Variants in COL13A1 observed in about 807,000 individuals in gnomAD.
The protein encoded by COL13A1 is collagen type XIII alpha 1 chain.
A neutral mutation model predicts 130.9 loss-of-function variants in COL13A1; 89 were observed. The observed-to-expected ratio is 0.68, with a 90% CI of 0.57 to 0.81. The LOEUF is 0.81. Ranked by LOEUF, COL13A1 falls within the 30% of genes least tolerant of loss-of-function variation. The pLI, the probability that COL13A1 is intolerant of heterozygous loss-of-function variation, is 0.00. For missense variants in COL13A1, 879 were observed against 934.6 expected, an observed-to-expected ratio of 0.94 and a Z score of 0.78; for synonymous variants, 402 against 341.6, an observed-to-expected ratio of 1.18 and a Z score of -1.95.
Position 69,898,812 on chromosome 10 carries a change from G to A in COL13A1, c.750+50G>A, listed in dbSNP as rs566765688. 48 of 1,481,416 alleles carry A rather than the reference G, an allele frequency of 3.2e-5. No homozygotes were observed. The African/African-American group carries it at 4.5e-4, about 14-fold the overall frequency. The allele number at this position is 1,481,416 out of a possible 1,614,324, so 91.8% of individuals were successfully genotyped here. Reference sequence around the variant, plus strand: ...CCATGTGTGGTTTCCCAAGGGGCCCGGCAAGCCTGCTGGGGCTGCAGACAA... The same window carrying A: ...CCATGTGTGGTTTCCCAAGGGGCCCAGCAAGCCTGCTGGGGCTGCAGACAA... On this transcript the variant is annotated intron_variant, in intron 14 of 40. Coordinates refer to ENST00000645393, the MANE Select transcript of COL13A1 (RefSeq NM_001368882.1).
At chr10:69,949,965 CGTGTGTGT>C (rs146294380) in intron 38 of COL13A1, among the ~76,000 whole-genome samples, 1 of 87,622 alleles carries the variant, frequency 1.1e-5, no homozygotes, top group African/African-American at 4.7e-5. Context: ...TTTGTGTGTG[CGTGTGTGT>C]GTGTGTGTGC....
In COL13A1 at chr10:69,832,517, G is replaced by A. The variant is rs562413305; in HGVS notation, c.364+10079G>A. On this transcript the variant is annotated intron_variant, in intron 2 of 40. Transcript: ENST00000645393. ...GGACCTCGTGGCACAATGGTAGTGCGTCTGACTCCAGATGGAGGATATTAT... is the reference window on the plus strand; with the variant it reads ...GGACCTCGTGGCACAATGGTAGTGCATCTGACTCCAGATGGAGGATATTAT... Among the ~76,000 whole-genome samples the A allele has an allele frequency of 1.2e-4, 19 of 152,348 alleles. No individual in the cohort carries two copies. In the South Asian group the frequency reaches 1.5e-3, roughly 12 times the overall value.
At chr10:69,936,173 GAAGGAAAGGA>G (rs558317500) in intron 32 of COL13A1, among the ~76,000 whole-genome samples, 3 of 19,930 alleles carry the variant, frequency 1.5e-4, no homozygotes, top group Non-Finnish European at 2.0e-4. Context: ...AGGAAGGAAG[GAAGGAAAGGA>G]AAGGAAGGAA....
intron 29 of COL13A1, 144 bp downstream of exon 29, chr10:69,930,231 G>A: frequency 9.5e-7 from 1 of 1,054,238 alleles, no homozygotes. Context: ...AGGGAGAGGG[G>A]CCCACCCTGC....
intron 31 of COL13A1, among the ~76,000 whole-genome samples, chr10:69,933,582 T>C (rs2066448181): frequency 6.6e-6 from 1 of 152,100 alleles, no homozygotes; most frequent in African/African-American, 2.4e-5. Flanking sequence ...TCAGTCCCCA[T>C]CAGGGTGGGT....
intron 2 of COL13A1, among the ~76,000 whole-genome samples, chr10:69,865,338 C>T (rs930600770): frequency 2.0e-4 from 31 of 152,340 alleles, no homozygotes; most frequent in Middle Eastern, 3.4e-3. Flanking sequence ...GCAAAGCCAT[C>T]AGCTCCCCAG....
chr10:69,927,701 T>A (rs2065558890), intron 27 of COL13A1, among the ~76,000 whole-genome samples: 1 of 152,198 alleles, frequency 6.6e-6, no homozygotes, highest in African/African-American at 2.4e-5. Flanking sequence ...CTCTGACTAC[T>A]GAAATTTCAA....
intron 40 of COL13A1, among the ~76,000 whole-genome samples, chr10:69,957,801 C>T (rs1384355739): frequency 6.6e-6 from 1 of 152,136 alleles, no homozygotes; most frequent in Non-Finnish European, 1.5e-5. Flanking sequence ...TGCCCCATAC[C>T]GTCTCCCTCC....
At chr10:69,813,199 C>T (rs1454536298) in intron 1 of COL13A1, among the ~76,000 whole-genome samples, 1 of 152,162 alleles carries the variant, frequency 6.6e-6, no homozygotes, top group African/African-American at 2.4e-5. Context: ...GGTGGGGGGC[C>T]CCTGCCTTAT....
At chr10:69,826,166 A>G (rs1418843960) in intron 2 of COL13A1, among the ~76,000 whole-genome samples, 2 of 152,224 alleles carry the variant, frequency 1.3e-5, no homozygotes, top group Admixed American at 1.3e-4. Context: ...GGAGCAGGAC[A>G]TTATAGTCTA....
intron 8 of COL13A1, among the ~76,000 whole-genome samples, chr10:69,887,890 C>A (rs2060756762): frequency 6.6e-6 from 1 of 152,122 alleles, no homozygotes; most frequent in African/African-American, 2.4e-5. Flanking sequence ...TCTGGGTGTC[C>A]TTGACCTCTG....
chr10:69,829,053 G>A (rs1848183226), intron 2 of COL13A1, among the ~76,000 whole-genome samples: 1 of 152,106 alleles, frequency 6.6e-6, no homozygotes, highest in South Asian at 2.1e-4. Flanking sequence ...GGCACACAAT[G>A]AAAGCCAGCA....
intron 17 of COL13A1, among the ~76,000 whole-genome samples, chr10:69,908,763 G>A (rs2063055905): frequency 6.6e-6 from 1 of 152,146 alleles, no homozygotes. Context: ...CCTCCTGATG[G>A]GGGAGCACTT....
At chr10:69,816,499 C>T (rs1334233782) in intron 1 of COL13A1, among the ~76,000 whole-genome samples, 1 of 151,932 alleles carries the variant, frequency 6.6e-6, no homozygotes, top group Non-Finnish European at 1.5e-5. Context: ...CGTCATTCTG[C>T]ATAGATGGCT....
At chr10:69,910,397 G>A (rs1243366681) in intron 17 of COL13A1, among the ~76,000 whole-genome samples, 2 of 151,978 alleles carry the variant, frequency 1.3e-5, no homozygotes, top group Non-Finnish European at 2.9e-5. Context: ...CCCCCCACAT[G>A]AGCTTCCTTG....
At chr10:69,840,779 C>G (rs1191811590) in intron 2 of COL13A1, among the ~76,000 whole-genome samples, 2 of 152,146 alleles carry the variant, frequency 1.3e-5, no homozygotes, top group Non-Finnish European at 2.9e-5. Context: ...AACCTGGGAT[C>G]TGTGTGACCT....
At chr10:69,909,313 C>T (rs918862649) in intron 17 of COL13A1, among the ~76,000 whole-genome samples, 1 of 152,244 alleles carries the variant, frequency 6.6e-6, no homozygotes, top group Non-Finnish European at 1.5e-5. Flanking sequence ...CTCTGCCAGA[C>T]CACCCTCTCT....
At chr10:69,920,064 G>A (rs141262667) in intron 21 of COL13A1, among the ~76,000 whole-genome samples, 8 of 152,308 alleles carry the variant, frequency 5.3e-5, no homozygotes, top group Non-Finnish European at 8.8e-5. Flanking sequence ...TGCAGGAGCA[G>A]CCCAGGCAGG....
At chr10:69,916,192 C>G (rs138217184) in intron 17 of COL13A1, among the ~76,000 whole-genome samples, 1 of 152,168 alleles carries the variant, frequency 6.6e-6, no homozygotes, top group Admixed American at 6.5e-5. Context: ...ACACCAGATC[C>G]CCTCTGCCTT....
Sources: allele counts gnomAD v4.1 joint callset (sites outside exome capture counted in the v4.1 genomes callset), GRCh38; gene constraint gnomAD v4.1.1; transcripts MANE v1.5; gene names NCBI Gene and HGNC (gene_info 2026-07-23, HGNC 2026-07-21).